FAM135B: variants seen among roughly 807,000 people sequenced by gnomAD.
FAM135B encodes protein FAM135B.
A neutral mutation model predicts 127.7 loss-of-function variants in FAM135B; 43 were observed. The observed-to-expected ratio is 0.34, with a 90% CI of 0.26 to 0.43. The LOEUF is 0.43. Ranked by LOEUF, FAM135B falls within the 20% of genes least tolerant of loss-of-function variation. The pLI is 1.00. For missense variants in FAM135B, 1,558 were observed against 1,725.6 expected (o/e 0.90, Z 1.72); for synonymous variants, 670 against 665.1 (o/e 1.01, Z -0.11).
intron 2 of FAM135B, among the ~76,000 whole-genome samples, chr8:138,365,701 C>T (rs1044792105): frequency 1.3e-5 from 2 of 152,104 alleles, no homozygotes; most frequent in African/African-American, 4.8e-5. Flanking sequence ...TGGTATTAGA[C>T]ATTTTTCTAT....
intron 1 of FAM135B, among the ~76,000 whole-genome samples, chr8:138,407,769 A>G (rs927548017): frequency 6.6e-6 from 1 of 152,166 alleles, no homozygotes; most frequent in Non-Finnish European, 1.5e-5. Flanking sequence ...AAGATGGATT[A>G]AAGACTTAAA....
intron 1 of FAM135B, among the ~76,000 whole-genome samples, chr8:138,403,071 C>T (rs1400534529): frequency 2.0e-5 from 3 of 152,178 alleles, no homozygotes; most frequent in Non-Finnish European, 4.4e-5. Context: ...AGACCCCAGC[C>T]TCAGAACTGT....
intron 2 of FAM135B, among the ~76,000 whole-genome samples, chr8:138,329,867 G>C (rs1828046599): frequency 6.6e-6 from 1 of 152,190 alleles, no homozygotes; most frequent in South Asian, 2.1e-4. Context: ...GGGTCAGGAA[G>C]TTTGATAGAT....
chr8:138,451,892 G>A (rs1836504449), intron 1 of FAM135B, among the ~76,000 whole-genome samples: 1 of 152,080 alleles, frequency 6.6e-6, no homozygotes, highest in South Asian at 2.1e-4. Context: ...AAGACATTGC[G>A]GTATAGTCTG....
intron 2 of FAM135B, among the ~76,000 whole-genome samples, chr8:138,319,586 T>A (rs1327810663): frequency 1.3e-5 from 2 of 152,186 alleles, no homozygotes; most frequent in East Asian, 1.9e-4. Flanking sequence ...TCAGGCAGTA[T>A]GCTGTTGTGT....
intron 11 of FAM135B, among the ~76,000 whole-genome samples, chr8:138,176,898 A>G (rs1397846437): frequency 3.3e-5 from 5 of 152,176 alleles, no homozygotes; most frequent in Admixed American, 3.3e-4. Flanking sequence ...TTTTTCTGGA[A>G]GAAGGCAAAC....
At chr8:138,283,261 G>A (rs1355732650) in intron 3 of FAM135B, among the ~76,000 whole-genome samples, 1 of 151,942 alleles carries the variant, frequency 6.6e-6, no homozygotes, top group Non-Finnish European at 1.5e-5. Flanking sequence ...TCCATACAAT[G>A]GAATATTATT....
At chr8:138,478,495 T>C (rs549954264) in intron 1 of FAM135B, among the ~76,000 whole-genome samples, 2 of 152,298 alleles carry the variant, frequency 1.3e-5, no homozygotes, top group Admixed American at 6.5e-5. Context: ...AATTAATAAA[T>C]AACTTCCAAA....
chr8:138,215,503 C>G (rs1238087091), intron 7 of FAM135B, among the ~76,000 whole-genome samples: 1 of 152,166 alleles, frequency 6.6e-6, no homozygotes, highest in East Asian at 1.9e-4. Flanking sequence ...GACTTGGAAT[C>G]TTGAATCTAG....
intron 2 of FAM135B, among the ~76,000 whole-genome samples, chr8:138,362,462 T>C (rs1830492158): frequency 6.6e-6 from 1 of 152,074 alleles, no homozygotes; most frequent in Admixed American, 6.6e-5. Context: ...CTGAATGACT[T>C]ATAGCTGTTT....
chr8:138,449,233 A>C (rs966228897), intron 1 of FAM135B, among the ~76,000 whole-genome samples: 12 of 152,188 alleles, frequency 7.9e-5, no homozygotes, highest in Non-Finnish European at 1.6e-4. Context: ...AACTGTATTA[A>C]GTAGAATAAA....
chr8:138,190,293 A>C (rs6984968), intron 9 of FAM135B, among the ~76,000 whole-genome samples: 29,905 of 152,180 alleles, frequency 0.2, 3,367 homozygotes, highest in African/African-American at 0.31. Flanking sequence ...GGTCAGGGGC[A>C]TTCAGATGCA....
At chr8:138,493,389 G>A (rs1376722240) in intron 1 of FAM135B, among the ~76,000 whole-genome samples, 1 of 152,136 alleles carries the variant, frequency 6.6e-6, no homozygotes, top group African/African-American at 2.4e-5. Flanking sequence ...TTGTAGAACT[G>A]TAGGTGAAAT....
chr8:138,299,102 A>C (rs1825686347), intron 3 of FAM135B, among the ~76,000 whole-genome samples: 1 of 149,296 alleles, frequency 6.7e-6, no homozygotes, highest in Non-Finnish European at 1.5e-5. Context: ...TAAATAAATA[A>C]ATAAATAAAA....
chr8:138,329,897 C>T (rs554285754), intron 2 of FAM135B, among the ~76,000 whole-genome samples: 5 of 152,154 alleles, frequency 3.3e-5, no homozygotes, highest in South Asian at 2.1e-4. Flanking sequence ...TAAATATTAA[C>T]GAATTGAATA....
chr8:138,428,497 C>T (rs1835021793), intron 1 of FAM135B, among the ~76,000 whole-genome samples: 1 of 152,030 alleles, frequency 6.6e-6, no homozygotes, highest in African/African-American at 2.4e-5. Flanking sequence ...GTCTCATTGT[C>T]TCATATCTTG....
chr8:138,452,888 T>A (rs1836574051), intron 1 of FAM135B, among the ~76,000 whole-genome samples: 1 of 152,192 alleles, frequency 6.6e-6, no homozygotes, highest in African/African-American at 2.4e-5. Flanking sequence ...GATGTCCTCA[T>A]GGCATGACAG....
chr8:138,267,648 A>G (rs1212894654), intron 3 of FAM135B, among the ~76,000 whole-genome samples: 1 of 152,080 alleles, frequency 6.6e-6, no homozygotes, highest in Non-Finnish European at 1.5e-5. Flanking sequence ...TGAGTCAAAG[A>G]GTTCTTTGAA....
At chr8:138,323,223 A>T (rs769948094) in intron 2 of FAM135B, among the ~76,000 whole-genome samples, 1 of 152,136 alleles carries the variant, frequency 6.6e-6, no homozygotes, top group Non-Finnish European at 1.5e-5. Context: ...ATTGACCCAG[A>T]AGGTTCTATG....
Sources: gnomAD v4.1 joint callset for allele counts (sites outside exome capture counted in the v4.1 genomes callset) on GRCh38, gnomAD v4.1.1 for gene constraint, MANE v1.5 for transcripts, NCBI Gene and HGNC (gene_info 2026-07-23, HGNC 2026-07-21) for gene names.